Variants in CERS4 observed in about 807,000 individuals in gnomAD.
The protein encoded by CERS4 is LAG1 homolog, ceramide synthase 4.
Under a neutral mutation model 51.8 loss-of-function variants are expected in CERS4, and 65 were observed. The ratio of observed to expected loss-of-function variants is 1.26; its 90% CI spans 1.03 to 1.54. The LOEUF (loss-of-function observed/expected upper bound fraction) is 1.54, where lower values mean the gene tolerates loss of function less well. Ranked by LOEUF, CERS4 falls within the 40% of genes most tolerant of loss-of-function variation. The probability of loss-of-function intolerance (pLI) is 0.00; values close to 1 mark genes in which losing one functional copy is unlikely to be tolerated. For missense variants in CERS4, 563 were observed against 500.4 expected (o/e 1.13, Z -1.19); for synonymous variants, 228 against 208.4 (o/e 1.09, Z -0.81).
In CERS4 at chr19:8,232,284, A is replaced by C. The variant is rs1014039940; in HGVS notation, c.-1-18792A>C. ...GAGTGATACTGTCCAGTAGAATTTT[A>C]TTTCTTTTTTCTTTTCTTTTTTTTA... On this transcript the variant is annotated intron_variant, in intron 2 of 11. Coordinates refer to ENST00000251363, the MANE Select transcript of CERS4 (RefSeq NM_024552.3). 5.3e-5 allele frequency among the ~76,000 whole-genome samples: 8 copies of C among 151,038 alleles called. No individual in the cohort carries two copies. The Admixed American group carries it at 5.3e-4, about 10-fold the overall frequency.
At chr19:8,211,159 G>A (rs1434634957) in intron 2 of CERS4, among the ~76,000 whole-genome samples, 1 of 152,120 alleles carries the variant, frequency 6.6e-6, no homozygotes, top group Non-Finnish European at 1.5e-5. Flanking sequence ...CTGACCCAGG[G>A]CTGTCTGCAG....
intron 2 of CERS4, among the ~76,000 whole-genome samples, chr19:8,211,890 CAAAAAAAAAAA>C (rs57231018): frequency 1.3e-5 from 1 of 75,546 alleles, no homozygotes; most frequent in African/African-American, 5.2e-5. Flanking sequence ...AGACTATCTC[CAAAAAAAAAAA>C]AAAAAAAAAA....
intron 2 of CERS4, among the ~76,000 whole-genome samples, chr19:8,244,679 C>T (rs1968679622): frequency 6.6e-6 from 1 of 152,208 alleles, no homozygotes; most frequent in South Asian, 2.1e-4. Flanking sequence ...CCTGAGAATC[C>T]CTGCATTATT....
chr19:8,233,090 C>T (rs559125517), intron 2 of CERS4, among the ~76,000 whole-genome samples: 2 of 151,608 alleles, frequency 1.3e-5, no homozygotes, highest in East Asian at 3.9e-4. Flanking sequence ...CTATGTTGTC[C>T]AGCCTGGTCT....
chr19:8,253,630 A>G (rs753819583), intron 3 of CERS4, among the ~76,000 whole-genome samples: 2 of 151,608 alleles, frequency 1.3e-5, no homozygotes, highest in Non-Finnish European at 2.9e-5. Flanking sequence ...TCGCCCGGCT[A>G]ATTTTTTGTA....
chr19:8,257,933 C>T lies in CERS4; in HGVS notation c.796C>T (p.Leu266Phe), dbSNP rs1262927157. ...TCAGCAAGTGTGCGACGCTCTCTTCCTCATCTTCTCCTTTGTCTTCTTCTA... is the reference window on the plus strand; with the variant it reads ...TCAGCAAGTGTGCGACGCTCTCTTCTTCATCTTCTCCTTTGTCTTCTTCTA... The part of the protein sequence containing the change: ...QYQQVCDALF[L>F]IFSFVFFYTR... Residue 266 changes from leucine (L) to phenylalanine (F), a missense_variant, in exon 10 of 12, where the codon CTC becomes TTC. By Grantham distance (22) the Leu-to-Phe change is conservative (BLOSUM62 0). Coordinates refer to ENST00000251363, the MANE Select transcript of CERS4 (RefSeq NM_024552.3). 6.2e-7 allele frequency: 1 copy of T among 1,613,950 alleles called. No homozygotes were observed. The highest frequency in any genetic ancestry group is 1.3e-5 in the African/African-American group (1 of 74,908).
intron 2 of CERS4, among the ~76,000 whole-genome samples, chr19:8,234,617 G>A (rs1290190063): frequency 8.3e-6 from 1 of 120,708 alleles, no homozygotes; most frequent in African/African-American, 3.2e-5. Context: ...GCAGTGGCTT[G>A]ATCTAAACTC....
At position 8,261,858 on chromosome 19, in the gene CERS4, T is replaced by TC. The variant is rs1969722190; in HGVS notation, c.1005+18dup. ...AAGAAGGGCCAGGTATGGCTGGACC[T>TC]CCCCGGGGGCCCCAGCCCTAAGCTC... On this transcript the variant is annotated intron_variant, in intron 11 of 11. Coordinates refer to ENST00000251363, the MANE Select transcript of CERS4 (RefSeq NM_024552.3). The TC allele has an allele frequency of 1.2e-6, 2 of 1,613,832 alleles. No individual in the cohort carries two copies. The highest frequency in any genetic ancestry group is 1.7e-6 in the Non-Finnish European group (2 of 1,179,780).
At position 8,262,183 on chromosome 19, in the gene CERS4, C is replaced by A; in HGVS notation, c.*74C>A. 7.3e-7 allele frequency: 1 copy of A among 1,373,342 alleles called. No individual in the cohort carries two copies. The highest frequency in any genetic ancestry group is 1.5e-5 in the African/African-American group (1 of 68,226). The allele number at this position is 1,373,342 out of a possible 1,614,324, so 85.1% of individuals were successfully genotyped here. A position where few individuals can be genotyped will look rare whatever the true frequency, so the allele number is the denominator to read the frequency against. On this transcript the variant is annotated 3_prime_UTR_variant, in exon 12 of 12. Coordinates refer to ENST00000251363, the MANE Select transcript of CERS4 (RefSeq NM_024552.3). ...TATTTCTGGGGTGACTGGACTGGCGCCCCTGGGCCACCTTTCTGGAGACAG... is the reference window on the plus strand; with the variant it reads ...TATTTCTGGGGTGACTGGACTGGCGACCCTGGGCCACCTTTCTGGAGACAG...
intron 2 of CERS4, chr19:8,238,650 A>G (rs1968379147): frequency 7.5e-6 from 7 of 936,226 alleles, no homozygotes; most frequent in Non-Finnish European, 7.6e-6. Flanking sequence ...CTCATGGTCC[A>G]GTATTGGTTG....
At chr19:8,256,872 C>T (rs1969414800) in intron 8 of CERS4, 77 bp from the exon 9 acceptor site, 1 of 1,608,244 alleles carries the variant, frequency 6.2e-7, no homozygotes, top group Non-Finnish European at 8.5e-7. Flanking sequence ...CCTGAAAGGA[C>T]CCACTTCTTG....
At chr19:8,249,601 T>TTTTTTC (rs1968969955) in intron 2 of CERS4, among the ~76,000 whole-genome samples, 1 of 142,008 alleles carries the variant, frequency 7.0e-6, no homozygotes, top group Non-Finnish European at 1.5e-5. Flanking sequence ...TTTTTTTTTT[T>TTTTTTC]TTTTTTTTGA....
Position 8,255,698 on chromosome 19 carries a change from A to G in CERS4, c.383A>G (p.Gln128Arg), listed in dbSNP as rs1969338708. Residue 128 changes from glutamine (Q) to arginine (R), a missense_variant, in exon 5 of 12, where the codon CAG (glutamine) becomes CGG (arginine). Gln to Arg is a conservative substitution (Grantham distance 43, BLOSUM62 1). Transcript: ENST00000251363. Reference protein sequence around the residue: ...FRRRRNQDRPQLTKKFCEASW... With the variant: ...FRRRRNQDRPRLTKKFCEASW... ...AGACGCCGGAACCAGGATCGACCCC[A>G]GCTGACCAAGAAGTTCTGTGAGGCC... 1 of 1,612,162 alleles carries G rather than the reference A, an allele frequency of 6.2e-7. No homozygotes were observed. Among genetic ancestry groups the G allele is most frequent in the Admixed American group, 1.7e-5 (1 of 59,862 alleles).
intron 3 of CERS4, 60 bp from the exon 4 acceptor site, chr19:8,254,437 CCA>C: frequency 1.3e-6 from 2 of 1,509,078 alleles, no homozygotes; most frequent in Non-Finnish European, 1.8e-6. Flanking sequence ...ATGTCTGCCC[CCA>C]CACACAGGCA....
At chr19:8,242,525 A>T (rs1309830090) in intron 2 of CERS4, among the ~76,000 whole-genome samples, 1 of 152,184 alleles carries the variant, frequency 6.6e-6, no homozygotes, top group Non-Finnish European at 1.5e-5. Context: ...TCACAGTAAG[A>T]CAGGGTTGCG....
At chr19:8,234,636 T>G (rs1273036238) in intron 2 of CERS4, among the ~76,000 whole-genome samples, 1 of 144,942 alleles carries the variant, frequency 6.9e-6, no homozygotes, top group African/African-American at 2.6e-5. Flanking sequence ...TCACTGCAAC[T>G]TCTGCTTCCC....
chr19:8,260,009 T>G (rs36253), intron 10 of CERS4, among the ~76,000 whole-genome samples: 28,226 of 151,676 alleles, frequency 0.19, 2,907 homozygotes, highest in South Asian at 0.34. Flanking sequence ...TAGGCAGAAG[T>G]GGCTGTGAGA....
At chr19:8,250,336 C>T (rs1969012101) in intron 2 of CERS4, among the ~76,000 whole-genome samples, 1 of 152,204 alleles carries the variant, frequency 6.6e-6, no homozygotes, top group Admixed American at 6.5e-5. Flanking sequence ...ATCTTGGCAT[C>T]AGTTAAGTGC....
Position 8,254,630 on chromosome 19 carries a change from A to C in CERS4, c.291+14A>C. The stretch of plus-strand genomic sequence containing the variant: ...AGGCCCAAGGAGGTGAGAGCCCCCC[A>C]TGCCCTCCGACCCGCACTACTGCCC... On this transcript the variant is annotated intron_variant, in intron 4 of 11. Coordinates refer to ENST00000251363, the MANE Select transcript of CERS4 (RefSeq NM_024552.3). 1 of 1,591,772 alleles carries C rather than the reference A, an allele frequency of 6.3e-7. No individual in the cohort carries two copies. The highest frequency in any genetic ancestry group is 8.6e-7 in the Non-Finnish European group (1 of 1,168,610).
Sources: gnomAD v4.1 joint callset for allele counts (sites outside exome capture counted in the v4.1 genomes callset) on GRCh38, gnomAD v4.1.1 for gene constraint, MANE v1.5 for transcripts, NCBI Gene and HGNC (gene_info 2026-07-23, HGNC 2026-07-21) for gene names.